The following MYO3B variants were observed in gnomAD, a reference collection of about 807,000 sequenced individuals.
MYO3B encodes the protein myosin IIIB.
Under a neutral mutation model 174.6 loss-of-function variants are expected in MYO3B, and 156 were observed. That is an observed-to-expected ratio of 0.89 (90% CI 0.78 to 1.02). The LOEUF is 1.02. Among genes scored for constraint, MYO3B ranks in the 50% least tolerant of loss-of-function variants. MYO3B has a pLI of 0.00. For synonymous variants in MYO3B, 563 were observed against 569.1 expected (o/e 0.99, Z 0.15); for missense variants, 1,632 against 1,639.4 (o/e 1.00, Z 0.08).
chr2:170,260,473 T>A (rs1461863921), intron 7 of MYO3B, among the ~76,000 whole-genome samples: 1 of 152,248 alleles, frequency 6.6e-6, no homozygotes, highest in African/African-American at 2.4e-5. Flanking sequence ...AAATGCCATA[T>A]GTTATCACTT....
At chr2:170,220,459 T>C (rs1237910563) in intron 6 of MYO3B, among the ~76,000 whole-genome samples, 1 of 150,620 alleles carries the variant, frequency 6.6e-6, no homozygotes, top group South Asian at 2.1e-4. Context: ...TGAAACCCCA[T>C]CTCTACTAAA....
rs550227473 is a variant in MYO3B at position 170,459,868 on chromosome 2, A to G, written c.2731-3500A>G. On this transcript the variant is annotated intron_variant, in intron 23 of 34. Transcript: ENST00000408978. ...GCACCTTCCGCAGCTGCTGGCCCAG[A>G]TACTAAGCCCCTCACTGCCCGTGGC... 3.3e-5 allele frequency among the ~76,000 whole-genome samples: 5 copies of G among 152,158 alleles called. No individual in the cohort carries two copies. The East Asian group carries it at 9.7e-4, about 30-fold the overall frequency.
chr2:170,243,648 C>T (rs1325373224), intron 7 of MYO3B, among the ~76,000 whole-genome samples: 1 of 152,148 alleles, frequency 6.6e-6, no homozygotes, highest in Non-Finnish European at 1.5e-5. Flanking sequence ...TCATAGTAAG[C>T]ATTCAATTCA....
chr2:170,584,219 T>G (rs1379296928), intron 32 of MYO3B, among the ~76,000 whole-genome samples: 1 of 152,228 alleles, frequency 6.6e-6, no homozygotes, highest in Non-Finnish European at 1.5e-5. Flanking sequence ...CTGTGGTGTA[T>G]CTCCCTCCAA....
chr2:170,564,776 G>A lies in MYO3B; in HGVS notation c.3733+20788G>A, dbSNP rs1055246483. 6.6e-5 allele frequency among the ~76,000 whole-genome samples: 10 copies of A among 152,072 alleles called. No individual in the cohort carries two copies. The East Asian group carries it at 1.9e-3, about 29-fold the overall frequency. On this transcript the variant is annotated intron_variant, in intron 32 of 34. Transcript: ENST00000408978. ...AGTAAATAAATTCTACAGCCACACT[G>A]TAGAATAATATGTAACTGTTAAAAA...
chr2:170,502,736 G>C (rs1687355493), intron 28 of MYO3B, among the ~76,000 whole-genome samples: 1 of 152,172 alleles, frequency 6.6e-6, no homozygotes, highest in Non-Finnish European at 1.5e-5. Flanking sequence ...AGCCAGGCTG[G>C]TAGACTCAGC....
intron 1 of MYO3B, among the ~76,000 whole-genome samples, chr2:170,188,304 TA>T (rs2092494795): frequency 6.6e-6 from 1 of 152,158 alleles, no homozygotes; most frequent in Non-Finnish European, 1.5e-5. Context: ...TTGCATAGAA[TA>T]TTTTTTTTCC....
intron 7 of MYO3B, among the ~76,000 whole-genome samples, chr2:170,238,841 G>A (rs539806097): frequency 6.6e-6 from 1 of 152,280 alleles, no homozygotes; most frequent in East Asian, 1.9e-4. Context: ...CTGTACATGG[G>A]TCTCCTTGCT....
In MYO3B at chr2:170,576,428, C is replaced by T. The variant is rs562118680; in HGVS notation, c.3733+32440C>T. On this transcript the variant is annotated intron_variant, in intron 32 of 34. Transcript: ENST00000408978. ...AATGAAGATCTGTTGCTGTGGTGACCGTGGTAGGAACAAGAAGCAAACCGG... is the reference window on the plus strand; with the variant it reads ...AATGAAGATCTGTTGCTGTGGTGACTGTGGTAGGAACAAGAAGCAAACCGG... 1.8e-4 allele frequency among the ~76,000 whole-genome samples: 27 copies of T among 152,222 alleles called. 1 individual carries two copies. The highest frequency in any genetic ancestry group is 1.7e-3 in the Admixed American group (26 of 15,284).
intron 7 of MYO3B, among the ~76,000 whole-genome samples, chr2:170,273,763 A>T (rs1204548863): frequency 6.6e-6 from 1 of 151,810 alleles, no homozygotes; most frequent in African/African-American, 2.4e-5. Context: ...TGTAATTATC[A>T]CATAAAGTTG....
At chr2:170,223,110 CTACT>C (rs1163060380) in intron 6 of MYO3B, among the ~76,000 whole-genome samples, 1 of 152,128 alleles carries the variant, frequency 6.6e-6, no homozygotes, top group Non-Finnish European at 1.5e-5. Flanking sequence ...TCTCTCCTAC[CTACT>C]CTCAGGCAAA....
At chr2:170,468,456 G>C (rs1454866807) in intron 25 of MYO3B, among the ~76,000 whole-genome samples, 1 of 152,182 alleles carries the variant, frequency 6.6e-6, no homozygotes, top group Non-Finnish European at 1.5e-5. Context: ...ATGTTGTTGG[G>C]TTCCAGAAAG....
intron 27 of MYO3B, 60 bp downstream of exon 27, chr2:170,499,868 G>GT (rs1687126171): frequency 6.6e-7 from 1 of 1,519,404 alleles, no homozygotes; most frequent in African/African-American, 1.4e-5. Flanking sequence ...TAAGTACTGG[G>GT]GAATACTCAA....
chr2:170,361,182 T>C (rs1227905412), intron 8 of MYO3B, among the ~76,000 whole-genome samples: 1 of 152,188 alleles, frequency 6.6e-6, no homozygotes, highest in Non-Finnish European at 1.5e-5. Context: ...CACAATAACC[T>C]TTCTAACCAT....
In MYO3B at chr2:170,386,993, G is replaced by A; in HGVS notation, c.1375-113G>A. The A allele has an allele frequency of 3.1e-6, 3 of 956,024 alleles. No individual in the cohort carries two copies. The South Asian group carries it at 4.7e-5, about 15-fold the overall frequency. 59.2% of individuals were successfully genotyped at this position (956,024 alleles called of 1,614,324 possible). ...GGTTGATGCTAACGTCCCCCAAATG[G>A]GGCTCTTTGTAAAAAGACCATGTGG... On this transcript the variant is annotated intron_variant, in intron 13 of 34. Coordinates refer to ENST00000408978, the MANE Select transcript of MYO3B (RefSeq NM_138995.5).
At chr2:170,573,227 G>GTGTGTATATATATATATA (rs1446970724) in intron 32 of MYO3B, among the ~76,000 whole-genome samples, 2 of 46,438 alleles carry the variant, frequency 4.3e-5, no homozygotes, top group South Asian at 5.7e-4. Flanking sequence ...TATACTGTGT[G>GTGTGTATATATATATATA]TATATATATA....
intron 7 of MYO3B, among the ~76,000 whole-genome samples, chr2:170,315,977 T>C (rs960951105): frequency 6.6e-6 from 1 of 152,214 alleles, no homozygotes; most frequent in African/African-American, 2.4e-5. Flanking sequence ...TCAATGCAAA[T>C]GTGATCTCAA....
chr2:170,267,726 A>T (rs941072144), intron 7 of MYO3B, among the ~76,000 whole-genome samples: 2 of 152,214 alleles, frequency 1.3e-5, no homozygotes, highest in African/African-American at 2.4e-5. Context: ...TCTGATAGGA[A>T]CAAAATTGCA....
At chr2:170,599,338 G>C (rs1217644245) in intron 32 of MYO3B, among the ~76,000 whole-genome samples, 1 of 152,212 alleles carries the variant, frequency 6.6e-6, no homozygotes, top group Non-Finnish European at 1.5e-5. Flanking sequence ...TTTCCAAAGA[G>C]AGCTCTGGGT....
Sources: allele counts gnomAD v4.1 joint callset (sites outside exome capture counted in the v4.1 genomes callset), GRCh38; gene constraint gnomAD v4.1.1; transcripts MANE v1.5; gene names NCBI Gene and HGNC (gene_info 2026-07-23, HGNC 2026-07-21).